The following L3MBTL3 variants were observed in gnomAD, a reference collection of about 807,000 sequenced individuals.
L3MBTL3 encodes L3MBTL histone methyl-lysine binding protein 3, also known as lethal(3)malignant brain tumor-like protein 3.
A neutral mutation model predicts 102.3 loss-of-function variants in L3MBTL3; 27 were observed. That is an observed-to-expected ratio of 0.26 (90% CI 0.19 to 0.36). L3MBTL3 has a LOEUF of 0.36. L3MBTL3 is among the 10% of genes least tolerant of loss of function. The probability of loss-of-function intolerance (pLI) is 1.00; values close to 1 mark genes in which losing one functional copy is unlikely to be tolerated. For missense variants in L3MBTL3, 798 were observed against 955.3 expected (o/e 0.84, Z 2.17); for synonymous variants, 340 against 320.9 (o/e 1.06, Z -0.64).
intron 16 of L3MBTL3, among the ~76,000 whole-genome samples, chr6:130,089,001 G>A (rs934144539): frequency 6.6e-6 from 1 of 151,974 alleles, no homozygotes; most frequent in African/African-American, 2.4e-5. Flanking sequence ...TTTTACAAGT[G>A]CAACAGTGGA....
rs1367880434 is a variant in L3MBTL3 at position 130,133,171 on chromosome 6, C to T, written c.1967-281C>T. Among the ~76,000 whole-genome samples, 2 of 152,138 alleles carry T rather than the reference C, an allele frequency of 1.3e-5. No homozygotes were observed. Among genetic ancestry groups the T allele is most frequent in the African/African-American group, 4.8e-5 (2 of 41,420 alleles). ...TCCTTCCCATTAAAACTTTGAGGCACGTTTCTTATCTGAAGCATTAAAGAG... is the reference window on the plus strand; with the variant it reads ...TCCTTCCCATTAAAACTTTGAGGCATGTTTCTTATCTGAAGCATTAAAGAG... On this transcript the variant is annotated intron_variant, in intron 20 of 22. Coordinates refer to ENST00000361794, the MANE Select transcript of L3MBTL3 (RefSeq NM_032438.4). The surrounding 1 kb of genome is among the most constrained non-coding windows in gnomAD (Gnocchi z 4.9).
chr6:130,083,745 A>G (rs1431849433), intron 15 of L3MBTL3, 40 bp downstream of exon 15: 1 of 1,016,716 alleles, frequency 9.8e-7, no homozygotes, highest in Admixed American at 2.1e-5. Context: ...GGATGAGATC[A>G]TTTATTTATT....
At chr6:130,094,454 G>A (rs953425537) in intron 18 of L3MBTL3, 87 bp downstream of exon 18, 334 of 698,268 alleles carry the variant, frequency 4.8e-4, no homozygotes, top group Non-Finnish European at 8.4e-5. Context: ...CTAAATTGAT[G>A]TGAACTAATT....
At chr6:130,136,048 T>C (rs1236788507) in intron 22 of L3MBTL3, among the ~76,000 whole-genome samples, 1 of 152,220 alleles carries the variant, frequency 6.6e-6, no homozygotes, top group African/African-American at 2.4e-5. Context: ...GAAAATCCTA[T>C]TGGGTGTATC....
At chr6:130,065,847 A>G (rs925804670) in intron 10 of L3MBTL3, among the ~76,000 whole-genome samples, 1 of 152,152 alleles carries the variant, frequency 6.6e-6, no homozygotes, top group Non-Finnish European at 1.5e-5. Context: ...TGTCTCATCC[A>G]AGTAATAAAC....
intron 20 of L3MBTL3, among the ~76,000 whole-genome samples, chr6:130,126,273 T>C (rs188122583): frequency 7.3e-5 from 11 of 151,710 alleles, no homozygotes; most frequent in Admixed American, 5.3e-4. Context: ...CTGCAGCCAC[T>C]CTCTCTCCTG....
intron 18 of L3MBTL3, among the ~76,000 whole-genome samples, chr6:130,100,546 T>A (rs1784618973): frequency 6.6e-6 from 1 of 152,012 alleles, no homozygotes; most frequent in Non-Finnish European, 1.5e-5. Context: ...CCTTGGTAGA[T>A]CATTAGTAAA....
chr6:130,096,709 C>G (rs1784384232), intron 18 of L3MBTL3, among the ~76,000 whole-genome samples: 1 of 152,214 alleles, frequency 6.6e-6, no homozygotes, highest in Non-Finnish European at 1.5e-5. Flanking sequence ...GGGCCACACC[C>G]ATTTCACCAA....
At chr6:130,101,161 G>C (rs1359235928) in intron 18 of L3MBTL3, among the ~76,000 whole-genome samples, 1 of 152,182 alleles carries the variant, frequency 6.6e-6, no homozygotes, top group African/African-American at 2.4e-5. Flanking sequence ...ATAGAGTGGA[G>C]TCAAAGATGG....
At chr6:130,117,697 T>C (rs1562327418) in intron 19 of L3MBTL3, among the ~76,000 whole-genome samples, 1 of 151,790 alleles carries the variant, frequency 6.6e-6, no homozygotes, top group African/African-American at 2.4e-5. Context: ...AATAAACAAT[T>C]TTTCTTGTTT....
intron 20 of L3MBTL3, among the ~76,000 whole-genome samples, chr6:130,125,375 A>G (rs1007329891): frequency 1.3e-5 from 2 of 151,866 alleles, no homozygotes; most frequent in Non-Finnish European, 2.9e-5. Flanking sequence ...TTTTTGTTTT[A>G]TAGAGTTTAT....
At chr6:130,021,209 C>G (rs779093339) in intron 1 of L3MBTL3, among the ~76,000 whole-genome samples, 5 of 152,110 alleles carry the variant, frequency 3.3e-5, no homozygotes, top group African/African-American at 1.2e-4. Flanking sequence ...CAAAACTGGC[C>G]AAGGGGAGAC....
At chr6:130,055,047 TA>T (rs929865872) in intron 7 of L3MBTL3, 123 bp from the exon 8 acceptor site, 30 of 732,086 alleles carry the variant, frequency 4.1e-5, no homozygotes, top group Admixed American at 9.4e-5. Flanking sequence ...TTACTTTCCT[TA>T]AAAGTTACAA....
chr6:130,052,128 A>G (rs1191667138), intron 6 of L3MBTL3, among the ~76,000 whole-genome samples: 2 of 147,530 alleles, frequency 1.4e-5, no homozygotes, highest in Admixed American at 6.8e-5. Context: ...TTTTTTTGAG[A>G]TGAAGTCTTG....
intron 9 of L3MBTL3, among the ~76,000 whole-genome samples, chr6:130,058,416 T>A (rs1781666960): frequency 6.6e-6 from 1 of 150,900 alleles, no homozygotes; most frequent in Non-Finnish European, 1.5e-5. Flanking sequence ...GGCAGTAGGA[T>A]CACTTGAGGC....
chr6:130,039,601 T>TTATATA lies in L3MBTL3; in HGVS notation c.-15-3076_-15-3071dup, dbSNP rs148663274. Among the ~76,000 whole-genome samples the TTATATA allele has an allele frequency of 3.1e-4, 47 of 149,886 alleles. No homozygotes were observed. The East Asian group carries it at 4.3e-3, about 14-fold the overall frequency. On this transcript the variant is annotated intron_variant, in intron 2 of 22. Transcript: ENST00000361794. ...CTCAAAGAGGTATTGTTTTTATAGT[T>TTATATA]TATATATATATATTTGCTATATTAG...
At chr6:130,045,181 T>A (rs1159228051) in intron 3 of L3MBTL3, among the ~76,000 whole-genome samples, 1 of 152,196 alleles carries the variant, frequency 6.6e-6, no homozygotes, top group Non-Finnish European at 1.5e-5. Flanking sequence ...GCCCCTTAAG[T>A]TTACCACAAG....
At chr6:130,020,138 C>T (rs1342722769) in intron 1 of L3MBTL3, among the ~76,000 whole-genome samples, 5 of 150,906 alleles carry the variant, frequency 3.3e-5, no homozygotes, top group Non-Finnish European at 5.9e-5. Flanking sequence ...CCGGGGCCAC[C>T]GCCCGCCTCG....
At chr6:130,070,756 A>G (rs568371967) in intron 12 of L3MBTL3, 21 of 299,172 alleles carry the variant, frequency 7.0e-5, no homozygotes, top group African/African-American at 3.6e-4. Context: ...TGAGGCCCAG[A>G]TAGCTAATTG....
Sources: allele counts gnomAD v4.1 joint callset (sites outside exome capture counted in the v4.1 genomes callset), GRCh38; gene constraint gnomAD v4.1.1; non-coding constraint Gnocchi (gnomAD v3.1); transcripts MANE v1.5; gene names NCBI Gene and HGNC (gene_info 2026-07-23, HGNC 2026-07-21).